Variants in MYOM2 observed in about 807,000 individuals in gnomAD.
MYOM2 encodes myomesin-2.
Under a neutral mutation model 187.6 loss-of-function variants are expected in MYOM2, and 254 were observed. The ratio of observed to expected loss-of-function variants is 1.35; its 90% CI spans 1.22 to 1.50. The LOEUF (loss-of-function observed/expected upper bound fraction) is 1.50, where lower values mean the gene tolerates loss of function less well. MYOM2 is among the 40% of genes most tolerant of loss of function. The pLI is 0.00. For missense variants in MYOM2, 2,796 were observed against 1,924.0 expected (o/e 1.45, Z -8.48); for synonymous variants, 981 against 753.8 (o/e 1.30, Z -4.94).
rs1249011213 is a variant in MYOM2, at chr8:2,096,365, C to T, written c.2244C>T (p.Asp748=). 1 of 1,614,118 alleles carries T rather than the reference C, an allele frequency of 6.2e-7. No homozygotes were observed. Among genetic ancestry groups the T allele is most frequent in the African/African-American group, 1.3e-5 (1 of 74,940 alleles). The part of the protein sequence containing the change: ...GGSPILGYYL[D]KREVHHKNWH... ...CGCCCATCCTGGGCTACTACCTGGA[C>T]AAGCGTGAAGTTCACCATAAAAACT... Residue 748 remains aspartate (D), a synonymous_variant, in exon 18 of 37, where the codon GAC becomes GAT. Coordinates refer to ENST00000262113, the MANE Select transcript of MYOM2 (RefSeq NM_003970.4).
chr8:2,057,998 GTTTTTTTTTTTTTTTTTTTTTTTT>G (rs572901199), intron 5 of MYOM2, among the ~76,000 whole-genome samples: 17 of 80,716 alleles, frequency 2.1e-4, no homozygotes, highest in Admixed American at 1.2e-3. Flanking sequence ...TTTTCAGAGG[GTTTTTTTTTTTTTTTTTTTTTTTT>G]TTTTTTTTTT....
chr8:2,069,685 C>G (rs1052361986), intron 8 of MYOM2, among the ~76,000 whole-genome samples, 188 bp downstream of exon 8: 2 of 152,028 alleles, frequency 1.3e-5, no homozygotes, highest in Non-Finnish European at 2.9e-5. Flanking sequence ...GGGTTCACAC[C>G]TAAGGGTCAA....
chr8:2,091,761 C>T lies in MYOM2; in HGVS notation c.1829-585C>T, dbSNP rs183689888. 2.1e-3 allele frequency among the ~76,000 whole-genome samples: 327 copies of T among 152,304 alleles called. 2 individuals are homozygous for T. Among genetic ancestry groups the T allele is most frequent in the Non-Finnish European group, 3.7e-3 (254 of 68,030 alleles). On this transcript the variant is annotated intron_variant, in intron 15 of 36. Coordinates refer to ENST00000262113, the MANE Select transcript of MYOM2 (RefSeq NM_003970.4). ...CCCTGCCTTCTTGTGCTTTATGACA[C>T]ATATGAAAAATGACAGTGTCCATCA...
chr8:2,045,475 G>C (rs1254655156), intron 1 of MYOM2, among the ~76,000 whole-genome samples: 4 of 152,190 alleles, frequency 2.6e-5, no homozygotes, highest in East Asian at 3.9e-4. Context: ...GCCCCAGGGG[G>C]CCCCCCAGTC....
rs542934649 is a variant in MYOM2 at position 2,090,065 on chromosome 8, C to T, written c.1702C>T (p.Pro568Ser). Residue 568 changes from proline to serine, a missense_variant, in exon 15 of 37, where the codon CCG becomes TCG. Transcript: ENST00000262113. ...CAACGCCCAGACGGCTGTGAGATCC[C>T]CGAGATATGCCGTGTTTGACCTCAT... is the stretch of plus-strand genomic sequence containing the variant. ...RVNAQTAVRS[P>S]RYAVFDLMEG... 6.2e-7 allele frequency: 1 copy of T among 1,614,030 alleles called. No homozygotes were observed. Among genetic ancestry groups the T allele is most frequent in the Non-Finnish European group, 8.5e-7 (1 of 1,179,982 alleles).
At chr8:2,102,569 T>A in intron 20 of MYOM2, 98 bp from the exon 21 acceptor site, 1 of 653,418 alleles carries the variant, frequency 1.5e-6, no homozygotes, top group Non-Finnish European at 2.6e-6. Context: ...AAAAATAAGC[T>A]ATTTTTGAAA....
At chr8:2,105,849 T>A (rs1488440846) in intron 21 of MYOM2, among the ~76,000 whole-genome samples, 1 of 152,164 alleles carries the variant, frequency 6.6e-6, no homozygotes, top group Non-Finnish European at 1.5e-5. Flanking sequence ...GTTCTCACGC[T>A]GGTATGAAGA....
chr8:2,100,109 T>TTTCCTTCCTTCC (rs1585905485), intron 19 of MYOM2, among the ~76,000 whole-genome samples: 2 of 64,510 alleles, frequency 3.1e-5, no homozygotes, highest in Non-Finnish European at 5.8e-5. Flanking sequence ...TCCTTCCTTC[T>TTTCCTTCCTTCC]TTCTTTCCTT....
chr8:2,119,304 C>A (rs961541651), intron 28 of MYOM2: 1 of 152,334 alleles, frequency 6.6e-6, no homozygotes, highest in Non-Finnish European at 1.5e-5. Flanking sequence ...ACAATTGGGG[C>A]ATTCTGGAAA....
chr8:2,060,482 C>T (rs1818816966), intron 6 of MYOM2, among the ~76,000 whole-genome samples: 1 of 151,484 alleles, frequency 6.6e-6, no homozygotes, highest in Non-Finnish European at 1.5e-5. Context: ...ATATCAAATC[C>T]CTTCTAGGAA....
At position 2,085,483 on chromosome 8, in the gene MYOM2, G is replaced by T. The variant is rs548710484; in HGVS notation, c.1644+93G>T. 97 of 1,422,326 alleles carry T rather than the reference G, an allele frequency of 6.8e-5. 2 individuals carry two copies. The highest frequency in any genetic ancestry group is 3.8e-4 in the African/African-American group (26 of 67,598). 88.1% of individuals were successfully genotyped at this position (1,422,326 alleles called of 1,614,324 possible). A position where few individuals can be genotyped will look rare whatever the true frequency, so the allele number is the denominator to read the frequency against. ...GTGGCCCACCGCTGTCGTGATCTCC[G>T]CGTGGCCCCTCACTGTTGTGATCTC... On this transcript the variant is annotated intron_variant, in intron 14 of 36. Coordinates refer to ENST00000262113, the MANE Select transcript of MYOM2 (RefSeq NM_003970.4).
At chr8:2,129,050 T>C (rs1797757055) in intron 31 of MYOM2, 77 bp from the exon 32 acceptor site, 1 of 1,081,234 alleles carries the variant, frequency 9.2e-7, no homozygotes, top group Non-Finnish European at 1.4e-6. Flanking sequence ...ACAGGAGGGC[T>C]TGCCGCCGCG....
In MYOM2 at chr8:2,045,159, TTCTG is replaced by T. The variant is rs1818272183; in HGVS notation, c.-17_-14del. ...TCTCTCTCCTCCTTGCAATTTTCCT[TTCTG>T]TCTGGGTAAGTGTCTTTCTCTTCTT... is the stretch of plus-strand genomic sequence containing the variant. On this transcript the variant is annotated 5_prime_UTR_variant, in exon 1 of 37. Transcript: ENST00000262113. 6.6e-6 allele frequency: 1 copy of T among 152,474 alleles called. No individual in the cohort carries two copies. The highest frequency in any genetic ancestry group is 2.1e-4 in the South Asian group (1 of 4,834). The allele number at this position is 152,474 out of a possible 1,614,324, so 9.4% of individuals were successfully genotyped here.
chr8:2,082,847 TA>T (rs548291326), intron 13 of MYOM2, among the ~76,000 whole-genome samples: 2 of 152,174 alleles, frequency 1.3e-5, no homozygotes, highest in Non-Finnish European at 2.9e-5. Flanking sequence ...CTGTCAAACC[TA>T]AAATAAACTC....
rs778666567 is a variant in MYOM2, at chr8:2,098,892, C to T, written c.2349C>T (p.Phe783=). 6 of 1,613,102 alleles carry T rather than the reference C, an allele frequency of 3.7e-6. No homozygotes were observed. The African/African-American group carries it at 5.3e-5, about 14-fold the overall frequency. ...TGACGGAAGGCTCACTCTACGAGTT[C>T]AAAATCGCCGCCGTCAACCTGGCCG... ...DGLTEGSLYE[F]KIAAVNLAGI... is the part of the protein sequence containing the mutation. The change falls in exon 19 of 37, where the codon TTC becomes TTT. Residue 783 remains phenylalanine (F), a synonymous_variant. Transcript: ENST00000262113.
At chr8:2,137,514 G>T (rs1416617648) in intron 32 of MYOM2, among the ~76,000 whole-genome samples, 1 of 152,016 alleles carries the variant, frequency 6.6e-6, no homozygotes, top group South Asian at 2.1e-4. Flanking sequence ...CCTGTCCCAC[G>T]GGTCTGTGTG....
At chr8:2,134,665 C>T (rs117749455) in intron 32 of MYOM2, among the ~76,000 whole-genome samples, 1,624 of 152,218 alleles carry the variant, frequency 0.011, 16 homozygotes, top group Non-Finnish European at 0.017. Context: ...TGGCTGTATC[C>T]GTTTGGACTC....
At position 2,055,537 on chromosome 8, in the gene MYOM2, G is replaced by T. The variant is rs115968079; in HGVS notation, c.264-1811G>T. ...CGGAGCGGGGACAGGGAGGTGCGAGGTGAGGTCCCCGATTCCTAAGGAGAT... is the reference window on the plus strand; with the variant it reads ...CGGAGCGGGGACAGGGAGGTGCGAGTTGAGGTCCCCGATTCCTAAGGAGAT... On this transcript the variant is annotated intron_variant, in intron 3 of 36. Transcript: ENST00000262113. Among the ~76,000 whole-genome samples, 764 of 151,960 alleles carry T rather than the reference G, an allele frequency of 5.0e-3. 4 individuals carry two copies. Among genetic ancestry groups the T allele is most frequent in the African/African-American group, 0.017 (718 of 41,440 alleles).
chr8:2,086,181 CCA>C (rs1554546921), intron 14 of MYOM2, among the ~76,000 whole-genome samples: 1 of 27,472 alleles, frequency 3.6e-5, no homozygotes, highest in Admixed American at 3.4e-4. Context: ...CTGCGTGGCC[CCA>C]CTGTCATGAT....
Sources: allele counts gnomAD v4.1 joint callset (sites outside exome capture counted in the v4.1 genomes callset), GRCh38; gene constraint gnomAD v4.1.1; transcripts MANE v1.5; gene names NCBI Gene and HGNC (gene_info 2026-07-23, HGNC 2026-07-21).